The following NAV2 variants were observed in gnomAD, a reference collection of about 807,000 sequenced individuals.
The protein encoded by NAV2 is neuron navigator 2.
A neutral mutation model predicts 223.2 loss-of-function variants in NAV2; 54 were observed. The ratio of observed to expected loss-of-function variants is 0.24; its 90% CI spans 0.19 to 0.30. The LOEUF (loss-of-function observed/expected upper bound fraction) is 0.30, where lower values mean the gene tolerates loss of function less well. NAV2 is among the 10% of genes least tolerant of loss of function. The pLI is 1.00. For synonymous variants in NAV2, 1,279 were observed against 1,239.3 expected (o/e 1.03, Z -0.67); for missense variants, 2,806 against 3,147.5 (o/e 0.89, Z 2.60).
chr11:19,543,040 T>C (rs903444438), intron 1 of NAV2, among the ~76,000 whole-genome samples: 1 of 152,214 alleles, frequency 6.6e-6, no homozygotes, highest in Non-Finnish European at 1.5e-5. Context: ...TTAGAGAAAG[T>C]TTATTATCTT....
chr11:20,114,736 C>A lies in NAV2; in HGVS notation c.7105C>A (p.Pro2369Thr), dbSNP rs770724773. ...EDVGFDGYSM[P>T]REGSTSKQMP... The stretch of plus-strand genomic sequence containing the variant: ...TGTCGGCTTCGACGGCTACTCCATG[C>A]CTCGGGAGGGATCGACAAGCAAGCA... Residue 2369 changes from proline (P) to threonine (T), a missense_variant, in exon 37 of 38, where the codon CCT becomes ACT. Physicochemically the swap from Pro to Thr is conservative, Grantham distance 38 (BLOSUM62 -1). This residue lies in a region of NAV2 where 824 missense variants were observed against 1,069.4 expected (regional missense o/e 0.77). Coordinates refer to ENST00000349880, the MANE Select transcript of NAV2 (RefSeq NM_145117.5). 7.4e-6 allele frequency: 12 copies of A among 1,614,092 alleles called. No individual in the cohort carries two copies. Among genetic ancestry groups the A allele is most frequent in the South Asian group, 1.1e-5 (1 of 91,046 alleles).
At chr11:19,653,259 C>T (rs1269159334) in intron 1 of NAV2, among the ~76,000 whole-genome samples, 1 of 152,128 alleles carries the variant, frequency 6.6e-6, no homozygotes, top group Non-Finnish European at 1.5e-5. Context: ...GGGAAATGTA[C>T]CAGCCTGAGT....
intron 1 of NAV2, among the ~76,000 whole-genome samples, chr11:19,665,562 G>T (rs2048388597): frequency 6.6e-6 from 1 of 152,174 alleles, no homozygotes. Flanking sequence ...TCTGGAAGAG[G>T]TGTTGCTAGT....
Position 19,555,012 on chromosome 11 carries a change from C to CAAAA in NAV2, c.75+203998_75+204001dup, listed in dbSNP as rs66625282. On this transcript the variant is annotated intron_variant, in intron 1 of 37. Coordinates refer to the NAV2 transcript ENST00000360655. ...TCTATCTCATACATACCATGTTTTGCAAAAAAAAAAAAAAAATCTTATCTA... is the reference window on the plus strand; with the variant it reads ...TCTATCTCATACATACCATGTTTTGCAAAAAAAAAAAAAAAAAAAATCTTATCTA... Among the ~76,000 whole-genome samples, 749 of 141,562 alleles carry CAAAA rather than the reference C, an allele frequency of 5.3e-3. 4 individuals carry two copies. The highest frequency in any genetic ancestry group is 0.019 in the African/African-American group (686 of 37,024). The allele number at this position is 141,562 out of a possible 152,430, so 92.9% of individuals were successfully genotyped here.
chr11:19,739,995 G>T (rs1270382313), intron 1 of NAV2, among the ~76,000 whole-genome samples: 1 of 152,170 alleles, frequency 6.6e-6, no homozygotes, highest in East Asian at 1.9e-4. Flanking sequence ...GGGAAAGGAA[G>T]GTTCTCCCTG....
intron 3 of NAV2, among the ~76,000 whole-genome samples, chr11:19,853,697 CTGG>C (rs2152985436): frequency 6.6e-6 from 1 of 152,014 alleles, no homozygotes; most frequent in South Asian, 2.1e-4. Flanking sequence ...TGGTCATGAT[CTGG>C]TTGGAGTTTG....
intron 1 of NAV2, among the ~76,000 whole-genome samples, chr11:19,530,720 G>T (rs1156273754): frequency 6.6e-6 from 1 of 152,162 alleles, no homozygotes; most frequent in Non-Finnish European, 1.5e-5. Context: ...AGTAATAAAC[G>T]ATAAAAAACC....
In NAV2 at chr11:19,554,494, T is replaced by C. The variant is rs575533526; in HGVS notation, c.75+203467T>C. ...GCTTTTGTTAGAAAATGCGTTGCCC[T>C]GAACCCAAAGCTAGTAGAGGCGCCT... On this transcript the variant is annotated intron_variant, in intron 1 of 37. Coordinates refer to the NAV2 transcript ENST00000360655. 2.0e-5 allele frequency among the ~76,000 whole-genome samples: 3 copies of C among 152,308 alleles called. No individual in the cohort carries two copies. The South Asian group carries it at 6.2e-4, about 32-fold the overall frequency.
intron 22 of NAV2, among the ~76,000 whole-genome samples, chr11:20,074,679 G>A (rs539169075): frequency 2.3e-4 from 35 of 150,504 alleles, no homozygotes; most frequent in South Asian, 6.3e-4. Flanking sequence ...TCTCTTTACC[G>A]TCATGTAATG....
At chr11:20,051,452 C>G (rs2058001855) in intron 17 of NAV2, 119 bp downstream of exon 17, 2 of 855,772 alleles carry the variant, frequency 2.3e-6, no homozygotes, top group Non-Finnish European at 4.0e-6. Context: ...TTGACCACCA[C>G]AGCAGGACCT....
chr11:19,659,631 C>G (rs1428774330), intron 1 of NAV2, among the ~76,000 whole-genome samples: 1 of 152,074 alleles, frequency 6.6e-6, no homozygotes, highest in African/African-American at 2.4e-5. Context: ...ATCAACAGGA[C>G]AAGCTAAGAG....
intron 1 of NAV2, among the ~76,000 whole-genome samples, chr11:19,397,396 A>AGG (rs1849494292): frequency 7.0e-6 from 1 of 143,820 alleles, no homozygotes; most frequent in Admixed American, 6.9e-5. Flanking sequence ...TTCTCTGGGG[A>AGG]GTGTGTGTGT....
At chr11:19,714,411 C>T in intron 1 of NAV2, 2 of 460,866 alleles carry the variant, frequency 4.3e-6, no homozygotes, top group Non-Finnish European at 8.7e-6. Context: ...CGCCCCCTAG[C>T]CTGGCTGTAA....
chr11:19,416,565 T>C (rs1850378725), intron 1 of NAV2, among the ~76,000 whole-genome samples: 1 of 152,190 alleles, frequency 6.6e-6, no homozygotes, highest in Non-Finnish European at 1.5e-5. Context: ...AAGCTACCAT[T>C]GACTTTCTTC....
At chr11:19,823,017 G>A (rs1417723420) in intron 1 of NAV2, among the ~76,000 whole-genome samples, 3 of 152,094 alleles carry the variant, frequency 2.0e-5, no homozygotes, top group Non-Finnish European at 4.4e-5. Flanking sequence ...GTTCCAGCAT[G>A]GCTCTTGCTT....
chr11:19,832,155 G>A (rs2059982309), intron 1 of NAV2, among the ~76,000 whole-genome samples: 1 of 152,190 alleles, frequency 6.6e-6, no homozygotes, highest in African/African-American at 2.4e-5. Context: ...TGCATCTAGA[G>A]TCGCAGCCTC....
chr11:19,424,320 C>G (rs1850738042), intron 1 of NAV2, among the ~76,000 whole-genome samples: 1 of 152,062 alleles, frequency 6.6e-6, no homozygotes, highest in South Asian at 2.1e-4. Context: ...TTGCTGCTTC[C>G]TAGAGGCATG....
At chr11:19,609,568 C>T (rs763170631) in intron 1 of NAV2, among the ~76,000 whole-genome samples, 5 of 152,116 alleles carry the variant, frequency 3.3e-5, no homozygotes, top group African/African-American at 9.7e-5. Flanking sequence ...TTCATCCTGG[C>T]GCTGCAGTTG....
In NAV2 at chr11:20,106,337, T is replaced by G. The variant is rs2062102194; in HGVS notation, c.6841+610T>G. 2.0e-5 allele frequency among the ~76,000 whole-genome samples: 3 copies of G among 147,450 alleles called. No homozygotes were observed. In the South Asian group the frequency reaches 6.7e-4, roughly 33 times the overall value. ...ACTTTGGGAGGCCAAGGCATATGGA[T>G]CACCTCAAGTTAAGAGTTCGAAACC... On this transcript the variant is annotated intron_variant, in intron 35 of 37. Transcript: ENST00000349880.
Sources: gnomAD v4.1 joint callset for allele counts (sites outside exome capture counted in the v4.1 genomes callset) on GRCh38, gnomAD v4.1.1 for gene constraint, gnomAD v4.1.1 regional missense constraint, MANE v1.5 for transcripts, NCBI Gene and HGNC (gene_info 2026-07-23, HGNC 2026-07-21) for gene names.